Variants in OPCML observed in about 807,000 individuals in gnomAD.
OPCML encodes the protein opioid binding protein/cell adhesion molecule like.
A neutral mutation model predicts 37.8 loss-of-function variants in OPCML; 13 were observed. That is an observed-to-expected ratio of 0.34 (90% CI 0.22 to 0.55). The LOEUF (loss-of-function observed/expected upper bound fraction) is 0.55. Ranked by LOEUF, OPCML falls within the 20% of genes least tolerant of loss-of-function variation. OPCML has a pLI of 0.91. For synonymous variants in OPCML, 176 were observed against 168.8 expected (o/e 1.04, Z -0.33); for missense variants, 341 against 435.6 (o/e 0.78, Z 1.93).
rs991990825 is a variant in OPCML, at chr11:133,306,521, G to C, written c.61+225743C>G. On this transcript the variant is annotated intron_variant, in intron 1 of 7. Transcript: ENST00000524381. ...ATAAAATATGAGTTTTGAACATATG[G>C]GGCAACTTAGCAGAGGCAGCAGTAT... 9.2e-5 allele frequency among the ~76,000 whole-genome samples: 14 copies of C among 152,208 alleles called. No homozygotes were observed. In the South Asian group the frequency reaches 1.0e-3, roughly 11 times the overall value.
chr11:133,012,960 A>G (rs894301985), intron 1 of OPCML, among the ~76,000 whole-genome samples: 13 of 152,162 alleles, frequency 8.5e-5, no homozygotes, highest in African/African-American at 3.1e-4. Context: ...CAGACTTTCA[A>G]TGGCTCCCTT....
intron 1 of OPCML, among the ~76,000 whole-genome samples, chr11:133,430,433 C>T (rs1343269657): frequency 6.6e-6 from 1 of 151,892 alleles, no homozygotes; most frequent in East Asian, 1.9e-4. Flanking sequence ...TTCCAGATGG[C>T]CTAAAGAGTT....
rs560962008 is a variant in OPCML at position 133,295,641 on chromosome 11, G to A, written c.61+236623C>T. Among the ~76,000 whole-genome samples the A allele has an allele frequency of 9.2e-5, 14 of 152,258 alleles. No individual in the cohort carries two copies. The East Asian group carries it at 1.5e-3, about 17-fold the overall frequency. ...AAGTAAGAATGGCCTAAGAATGGCC[G>A]CTCCCTAGACAGAGCACCCCAGAGG... On this transcript the variant is annotated intron_variant, in intron 1 of 7. Transcript: ENST00000524381.
intron 1 of OPCML, among the ~76,000 whole-genome samples, chr11:133,379,767 T>C (rs1277770838): frequency 6.6e-6 from 1 of 152,216 alleles, no homozygotes; most frequent in Non-Finnish European, 1.5e-5. Context: ...CTGCGTATAA[T>C]GGCTATTGTT....
intron 4 of OPCML, among the ~76,000 whole-genome samples, chr11:132,491,435 G>A (rs2096215290): frequency 6.6e-6 from 1 of 152,208 alleles, no homozygotes; most frequent in Non-Finnish European, 1.5e-5. Context: ...TGCTCAGACA[G>A]TGTGGATTCC....
At chr11:133,290,619 G>T (rs904227929) in intron 1 of OPCML, among the ~76,000 whole-genome samples, 2 of 152,198 alleles carry the variant, frequency 1.3e-5, no homozygotes, top group Admixed American at 6.5e-5. Flanking sequence ...GGCACCTGTG[G>T]CTGGTTTGGG....
chr11:133,435,093 A>G (rs999241607), intron 1 of OPCML, among the ~76,000 whole-genome samples: 8 of 152,042 alleles, frequency 5.3e-5, no homozygotes, highest in Non-Finnish European at 1.0e-4. Flanking sequence ...TAATAGCTTT[A>G]TAAATTACTT....
chr11:133,019,081 C>A (rs995370135), intron 1 of OPCML, among the ~76,000 whole-genome samples: 7 of 152,192 alleles, frequency 4.6e-5, no homozygotes, highest in African/African-American at 1.7e-4. Flanking sequence ...GCTGGTGAGA[C>A]AAAAGAGACC....
chr11:132,529,939 C>T (rs2096319574), intron 3 of OPCML, among the ~76,000 whole-genome samples: 1 of 152,136 alleles, frequency 6.6e-6, no homozygotes, highest in African/African-American at 2.4e-5. Context: ...TTCAGATAGA[C>T]CAGTGTTTTA....
At chr11:133,355,434 G>T (rs1944261296) in intron 1 of OPCML, among the ~76,000 whole-genome samples, 1 of 152,212 alleles carries the variant, frequency 6.6e-6, no homozygotes, top group Non-Finnish European at 1.5e-5. Flanking sequence ...GTTAATTTAA[G>T]TCATCCATGA....
intron 1 of OPCML, among the ~76,000 whole-genome samples, chr11:133,491,952 A>G (rs1388944243): frequency 6.6e-6 from 1 of 152,162 alleles, no homozygotes; most frequent in African/African-American, 2.4e-5. Context: ...CAAGTGTCAC[A>G]CCTTGATTAA....
chr11:133,356,410 G>A (rs569776677), intron 1 of OPCML, among the ~76,000 whole-genome samples: 1 of 152,310 alleles, frequency 6.6e-6, no homozygotes, highest in South Asian at 2.1e-4. Context: ...ATGAGCTGGA[G>A]TTCCTTTTCA....
intron 2 of OPCML, among the ~76,000 whole-genome samples, chr11:132,846,470 T>C (rs949012391): frequency 6.6e-6 from 1 of 152,196 alleles, no homozygotes; most frequent in Non-Finnish European, 1.5e-5. Flanking sequence ...AATATCTGCT[T>C]CCTAATGAAA....
intron 1 of OPCML, among the ~76,000 whole-genome samples, chr11:133,410,113 A>G (rs1326124834): frequency 6.6e-6 from 1 of 152,226 alleles, no homozygotes; most frequent in Non-Finnish European, 1.5e-5. Context: ...TGACTAGGGC[A>G]TAGCTACGGC....
At chr11:132,510,232 C>T (rs1363663916) in intron 4 of OPCML, among the ~76,000 whole-genome samples, 2 of 152,140 alleles carry the variant, frequency 1.3e-5, no homozygotes, top group Admixed American at 1.3e-4. Flanking sequence ...ATCTGTACCC[C>T]CATCGTATCT....
At chr11:132,812,703 A>G (rs1939414857) in intron 2 of OPCML, among the ~76,000 whole-genome samples, 2 of 152,230 alleles carry the variant, frequency 1.3e-5, no homozygotes, top group African/African-American at 2.4e-5. Flanking sequence ...TGGAACTACA[A>G]TGATCTTGAT....
At chr11:133,129,919 A>G (rs1949577594) in intron 1 of OPCML, among the ~76,000 whole-genome samples, 1 of 152,178 alleles carries the variant, frequency 6.6e-6, no homozygotes, top group African/African-American at 2.4e-5. Context: ...AAAATAAAAT[A>G]AATACATAAA....
intron 1 of OPCML, among the ~76,000 whole-genome samples, chr11:133,233,698 T>A (rs1940389963): frequency 6.6e-6 from 1 of 152,184 alleles, no homozygotes; most frequent in Admixed American, 6.5e-5. Flanking sequence ...GTCTAGCCAC[T>A]TCATTAGGGT....
intron 1 of OPCML, chr11:133,026,218 G>A (rs754316464): frequency 3.0e-6 from 2 of 669,570 alleles, no homozygotes; most frequent in Non-Finnish European, 3.7e-6. Context: ...TTCGAGCCAG[G>A]TTAGAGAAGT....
Sources: allele counts gnomAD v4.1 joint callset (sites outside exome capture counted in the v4.1 genomes callset), GRCh38; gene constraint gnomAD v4.1.1; transcripts MANE v1.5; gene names NCBI Gene and HGNC (gene_info 2026-07-23, HGNC 2026-07-21).